PTGR1: variants seen among roughly 807,000 people sequenced by gnomAD.
PTGR1 encodes the protein 15-oxoprostaglandin 13-reductase.
In PTGR1, 23 loss-of-function variants were observed where a neutral mutation model predicts 37.7. The ratio of observed to expected loss-of-function variants is 0.61; its 90% CI spans 0.44 to 0.86. The LOEUF (loss-of-function observed/expected upper bound fraction) is 0.86. Ranked by LOEUF, PTGR1 falls within the 40% of genes least tolerant of loss-of-function variation. PTGR1 has a pLI of 0.00. For synonymous variants in PTGR1, 134 were observed against 140.0 expected, an observed-to-expected ratio of 0.96 and a Z score of 0.30; for missense variants, 351 against 394.3, an observed-to-expected ratio of 0.89 and a Z score of 0.93.
In PTGR1 at chr9:111,597,452, T is replaced by C; in HGVS notation, c.-10-20A>G. ...AAGCTCCTAGAACACAGTAAATATGTAGTCAACTGCCATGAAGTGACTGCA... is the reference window on the plus strand; with the variant it reads ...AAGCTCCTAGAACACAGTAAATATGCAGTCAACTGCCATGAAGTGACTGCA... On this transcript the variant is annotated intron_variant, in intron 1 of 9. Transcript: ENST00000407693. The C allele has an allele frequency of 2.0e-6, 3 of 1,483,108 alleles. No individual in the cohort carries two copies. Among genetic ancestry groups the C allele is most frequent in the Non-Finnish European group, 2.8e-6 (3 of 1,068,226 alleles). The allele number at this position is 1,483,108 out of a possible 1,614,324, so 91.9% of individuals were successfully genotyped here.
At chr9:111,558,001 G>A (rs986432789), downstream of PTGR1, among the ~76,000 whole-genome samples, 1 of 152,100 alleles carries the variant, frequency 6.6e-6, no homozygotes, top group Non-Finnish European at 1.5e-5. Context: ...ACAAAAATTA[G>A]CCAGGCATGG....
At chr9:111,598,500 T>C (rs1365683951) in intron 1 of PTGR1, among the ~76,000 whole-genome samples, 1 of 152,110 alleles carries the variant, frequency 6.6e-6, no homozygotes, top group African/African-American at 2.4e-5. Context: ...TTTTTAAAAT[T>C]AAGACTTTTT....
At chr9:111,596,241 G>C (rs1398742886) in intron 2 of PTGR1, among the ~76,000 whole-genome samples, 1 of 152,138 alleles carries the variant, frequency 6.6e-6, no homozygotes, top group East Asian at 1.9e-4. Flanking sequence ...TCTATTTTCT[G>C]CCTCTCGAAT....
chr9:111,566,042 T>C (rs546698313), intron 9 of PTGR1, among the ~76,000 whole-genome samples: 1 of 151,824 alleles, frequency 6.6e-6, no homozygotes, highest in East Asian at 2.0e-4. Context: ...TGAAACCCCA[T>C]CTCTACTAAA....
At chr9:111,598,663 T>G (rs956789737) in intron 1 of PTGR1, among the ~76,000 whole-genome samples, 12 of 151,818 alleles carry the variant, frequency 7.9e-5, no homozygotes, top group Non-Finnish European at 1.8e-4. Context: ...CCCAGCTAAT[T>G]TTTGTACTTT....
At chr9:111,592,093 T>C (rs559351990) in intron 4 of PTGR1, among the ~76,000 whole-genome samples, 37 of 152,340 alleles carry the variant, frequency 2.4e-4, no homozygotes, top group Admixed American at 2.2e-3. Flanking sequence ...ATGGATAAGA[T>C]AGGGCTGTAA....
chr9:111,580,319 C>A (rs1055381258), intron 6 of PTGR1, among the ~76,000 whole-genome samples: 3 of 152,060 alleles, frequency 2.0e-5, no homozygotes, highest in Non-Finnish European at 2.9e-5. Context: ...TTACTTATTT[C>A]TTTTCTATCC....
intron 1 of PTGR1, 131 bp downstream of exon 1, chr9:111,599,472 A>G (rs1438594352): frequency 6.6e-6 from 1 of 152,308 alleles, no homozygotes; most frequent in Non-Finnish European, 1.5e-5. Context: ...CCCAGCGGTC[A>G]TTTCGACGTA....
chr9:111,579,042 T>C, intron 6 of PTGR1, 91 bp from the exon 7 acceptor site: 1 of 1,269,670 alleles, frequency 7.9e-7, no homozygotes, highest in Non-Finnish European at 1.1e-6. Flanking sequence ...CTAGGTTCCC[T>C]AGGAACACTC....
chr9:111,596,691 G>A (rs1203770669), intron 2 of PTGR1, among the ~76,000 whole-genome samples: 1 of 152,022 alleles, frequency 6.6e-6, no homozygotes, highest in Non-Finnish European at 1.5e-5. Context: ...GAACCTGGGA[G>A]GCAAAGGTTG....
chr9:111,565,467 G>A (rs1323812189), intron 9 of PTGR1, among the ~76,000 whole-genome samples: 1 of 152,176 alleles, frequency 6.6e-6, no homozygotes, highest in Admixed American at 6.5e-5. Flanking sequence ...AGGATGCAGG[G>A]TATATGGGAG....
intron 9 of PTGR1, among the ~76,000 whole-genome samples, chr9:111,552,547 T>C (rs1022483891): frequency 3.9e-5 from 6 of 152,238 alleles, no homozygotes; most frequent in Admixed American, 3.9e-4. Context: ...CTAACTTTTC[T>C]GTCTCTAACT....
chr9:111,554,939 G>A (rs1388474032), intron 9 of PTGR1, among the ~76,000 whole-genome samples: 1 of 152,154 alleles, frequency 6.6e-6, no homozygotes, highest in Non-Finnish European at 1.5e-5. Context: ...GACCCTAAAT[G>A]TCAGTGCCTG....
downstream of PTGR1, among the ~76,000 whole-genome samples, chr9:111,562,203 T>C (rs1489007334): frequency 6.6e-6 from 1 of 151,676 alleles, no homozygotes; most frequent in Non-Finnish European, 1.5e-5. Context: ...ATGTATAACA[T>C]GTATATGAAA....
intron 9 of PTGR1, among the ~76,000 whole-genome samples, chr9:111,551,724 A>T (rs2132282586): frequency 6.6e-6 from 1 of 152,304 alleles, no homozygotes; most frequent in South Asian, 2.1e-4. Context: ...TAAAATTTGC[A>T]TCCACATTAA....
At chr9:111,593,342 C>G (rs542575914) in intron 3 of PTGR1, among the ~76,000 whole-genome samples, 1 of 152,088 alleles carries the variant, frequency 6.6e-6, no homozygotes, top group Non-Finnish European at 1.5e-5. Context: ...ACACTAGCTA[C>G]GCAAAAAGAT....
chr9:111,594,578 TCTC>T (rs1207998671), intron 2 of PTGR1, among the ~76,000 whole-genome samples: 1 of 122,038 alleles, frequency 8.2e-6, no homozygotes, highest in African/African-American at 3.4e-5. Context: ...TGAGAGGGAG[TCTC>T]GCTCTGTCAC....
intron 9 of PTGR1, among the ~76,000 whole-genome samples, chr9:111,550,353 A>G (rs1827904290): frequency 6.6e-6 from 1 of 152,196 alleles, no homozygotes; most frequent in Non-Finnish European, 1.5e-5. Flanking sequence ...AGAAGTAGAT[A>G]TCTGCAATCA....
intron 8 of PTGR1, among the ~76,000 whole-genome samples, chr9:111,571,806 G>A (rs776506316): frequency 6.6e-6 from 1 of 152,118 alleles, no homozygotes; most frequent in Admixed American, 6.6e-5. Context: ...GCCTGGCTAA[G>A]AATTTGTATT....
Sources: allele counts gnomAD v4.1 joint callset (sites outside exome capture counted in the v4.1 genomes callset), GRCh38; gene constraint gnomAD v4.1.1; transcripts MANE v1.5; gene names NCBI Gene and HGNC (gene_info 2026-07-23, HGNC 2026-07-21).